Variants in PIP5K1C observed in about 807,000 individuals in gnomAD.
PIP5K1C encodes phosphatidylinositol 4-phosphate 5-kinase type-1 gamma.
Under a neutral mutation model 80.1 loss-of-function variants are expected in PIP5K1C, and 45 were observed. The ratio of observed to expected loss-of-function variants is 0.56; its 90% CI spans 0.44 to 0.72. PIP5K1C has a LOEUF of 0.72. Ranked by LOEUF, PIP5K1C falls within the 30% of genes least tolerant of loss-of-function variation. The pLI is 0.00. For synonymous variants in PIP5K1C, 498 were observed against 420.1 expected, an observed-to-expected ratio of 1.19 and a Z score of -2.27; for missense variants, 753 against 954.6, an observed-to-expected ratio of 0.79 and a Z score of 2.78.
At chr19:3,680,543 C>T (rs947186593) in intron 1 of PIP5K1C, among the ~76,000 whole-genome samples, 3 of 152,210 alleles carry the variant, frequency 2.0e-5, no homozygotes, top group Non-Finnish European at 2.9e-5. Flanking sequence ...CTCAGGTGAT[C>T]CACTCACTTT....
At chr19:3,633,410 C>A in intron 17 of PIP5K1C, 27 bp downstream of exon 17, 2 of 1,411,994 alleles carry the variant, frequency 1.4e-6, no homozygotes, top group South Asian at 3.2e-5. Context: ...CCCACGGGAC[C>A]GGCGGGTGCA....
intron 1 of PIP5K1C, among the ~76,000 whole-genome samples, chr19:3,673,586 G>A (rs1383095441): frequency 6.6e-6 from 1 of 152,226 alleles, no homozygotes; most frequent in East Asian, 1.9e-4. Context: ...CAGGACAGGT[G>A]CAGGCTCGCC....
At chr19:3,638,524 G>A (rs568921522) in intron 16 of PIP5K1C, among the ~76,000 whole-genome samples, 3 of 152,368 alleles carry the variant, frequency 2.0e-5, no homozygotes, top group South Asian at 2.1e-4. Context: ...CCTCCCGAGG[G>A]GCCAAGAGTC....
chr19:3,658,653 G>T (rs912502195), intron 5 of PIP5K1C, among the ~76,000 whole-genome samples: 1 of 152,216 alleles, frequency 6.6e-6, no homozygotes, highest in African/African-American at 2.4e-5. Context: ...CCAAGCAGCC[G>T]GAGTGTCCCT....
chr19:3,653,009 A>G (rs1394920660), intron 7 of PIP5K1C, among the ~76,000 whole-genome samples: 3 of 152,212 alleles, frequency 2.0e-5, no homozygotes, highest in Non-Finnish European at 4.4e-5. Context: ...GGGTCTCACA[A>G]TGTTGCCCCT....
intron 8 of PIP5K1C, among the ~76,000 whole-genome samples, chr19:3,650,816 G>C (rs931349023): frequency 4.6e-5 from 7 of 152,046 alleles, no homozygotes; most frequent in Non-Finnish European, 2.9e-5. Flanking sequence ...GAGTGCAATA[G>C]CTCAATCTCA....
intron 1 of PIP5K1C, among the ~76,000 whole-genome samples, chr19:3,687,225 G>A (rs2035786818): frequency 6.6e-6 from 1 of 151,514 alleles, no homozygotes; most frequent in African/African-American, 2.4e-5. Context: ...AGCCAGGCAT[G>A]GTGGCACATG....
At chr19:3,699,916 G>T (rs1232917539) in intron 1 of PIP5K1C, among the ~76,000 whole-genome samples, 1 of 152,202 alleles carries the variant, frequency 6.6e-6, no homozygotes, top group African/African-American at 2.4e-5. Context: ...CAGGTCTGGG[G>T]ACTTACAGAA....
At chr19:3,641,910 T>G (rs113915105) in intron 14 of PIP5K1C, 101 bp from the exon 15 acceptor site, 1 of 910,122 alleles carries the variant, frequency 1.1e-6, no homozygotes, top group Non-Finnish European at 1.7e-6. Context: ...CAGAGGGGAG[T>G]TGGGAGCCTC....
chr19:3,638,443 A>G (rs943328025), intron 16 of PIP5K1C, among the ~76,000 whole-genome samples: 1 of 152,224 alleles, frequency 6.6e-6, no homozygotes, highest in South Asian at 2.1e-4. Flanking sequence ...AACAGGGAGA[A>G]GGTCCTGCCG....
chr19:3,636,748 G>A (rs746878180), intron 16 of PIP5K1C: 9 of 987,070 alleles, frequency 9.1e-6, no homozygotes, highest in South Asian at 4.7e-5. Context: ...GCTGATGGGC[G>A]GGGAGTCACG....
At chr19:3,698,768 C>T (rs1159253162) in intron 1 of PIP5K1C, among the ~76,000 whole-genome samples, 2 of 152,174 alleles carry the variant, frequency 1.3e-5, no homozygotes, top group African/African-American at 4.8e-5. Flanking sequence ...CCAGGCACAA[C>T]CTAAACTCAC....
chr19:3,636,115 C>G (rs141353408), intron 16 of PIP5K1C, among the ~76,000 whole-genome samples: 1 of 152,120 alleles, frequency 6.6e-6, no homozygotes, highest in East Asian at 1.9e-4. Flanking sequence ...TGAGATCATG[C>G]CATTGCACTC....
At chr19:3,659,875 G>A (rs909900218) in intron 5 of PIP5K1C, among the ~76,000 whole-genome samples, 2 of 152,220 alleles carry the variant, frequency 1.3e-5, no homozygotes, top group South Asian at 2.1e-4. Context: ...CGACCACCGC[G>A]GGTGAGGGCA....
Position 3,656,395 on chromosome 19 carries a change from G to A in PIP5K1C, c.621+10C>T. The A allele has an allele frequency of 6.2e-7, 1 of 1,613,120 alleles. No individual in the cohort carries two copies. Reference sequence around the variant, plus strand: ...GAGGAGCCATCTGCCCCGCAGGGCGGGCCACGCACCATGTAGTAGCCAGGG... The same window carrying A: ...GAGGAGCCATCTGCCCCGCAGGGCGAGCCACGCACCATGTAGTAGCCAGGG... On this transcript the variant is annotated intron_variant, in intron 6 of 17. Transcript: ENST00000335312.
At chr19:3,678,442 A>G (rs1238342540) in intron 1 of PIP5K1C, among the ~76,000 whole-genome samples, 27 of 63,738 alleles carry the variant, frequency 4.2e-4, no homozygotes, top group African/African-American at 5.6e-4. Context: ...GAGGATGGAG[A>G]GATGGAGGAT....
chr19:3,658,666 G>A (rs956076708), intron 5 of PIP5K1C, among the ~76,000 whole-genome samples: 9 of 152,204 alleles, frequency 5.9e-5, no homozygotes, highest in East Asian at 3.9e-4. Context: ...GTGTCCCTCC[G>A]AGACACAAAT....
At position 3,648,543 on chromosome 19, in the gene PIP5K1C, T is replaced by TG; in HGVS notation, c.1211+81dup. 1 of 1,081,440 alleles carries TG rather than the reference T, an allele frequency of 9.2e-7. No homozygotes were observed. The highest frequency in any genetic ancestry group is 1.4e-6 in the Non-Finnish European group (1 of 703,938). The allele number at this position is 1,081,440 out of a possible 1,614,324, so 67.0% of individuals were successfully genotyped here. A position where few individuals can be genotyped will look rare whatever the true frequency, so the allele number is the denominator to read the frequency against. ...GGCTGCAGACCCGGGCGCCCACCTG[T>TG]GGGGCTGCAGACCCGGGCGCCCACC... On this transcript the variant is annotated intron_variant, in intron 9 of 17. Transcript: ENST00000335312. The surrounding 1 kb of genome is among the most constrained non-coding windows in gnomAD (Gnocchi z 4.3).
chr19:3,662,129 T>A, intron 3 of PIP5K1C, 128 bp from the exon 4 acceptor site: 1 of 1,180,122 alleles, frequency 8.5e-7, no homozygotes, highest in Non-Finnish European at 1.2e-6. Context: ...AACCCCCTCC[T>A]GGTGGTCCCC....
Sources: gnomAD v4.1 joint callset for allele counts (sites outside exome capture counted in the v4.1 genomes callset) on GRCh38, gnomAD v4.1.1 for gene constraint, Gnocchi (gnomAD v3.1) non-coding constraint, MANE v1.5 for transcripts, NCBI Gene and HGNC (gene_info 2026-07-23, HGNC 2026-07-21) for gene names.